Variants in ZFYVE1 observed in about 807,000 individuals in gnomAD.
ZFYVE1 encodes the protein zinc finger FYVE-type containing 1.
A neutral mutation model predicts 74.4 loss-of-function variants in ZFYVE1; 30 were observed. That is an observed-to-expected ratio of 0.40 (90% CI 0.30 to 0.55). The LOEUF is 0.55. ZFYVE1 is among the 20% of genes least tolerant of loss of function. The pLI is 0.42. For synonymous variants in ZFYVE1, 335 were observed against 385.1 expected (o/e 0.87, Z 1.52); for missense variants, 703 against 1,011.6 (o/e 0.69, Z 4.14).
chr14:73,023,446 A>T (rs200625206), intron 2 of ZFYVE1, among the ~76,000 whole-genome samples: 3 of 96,116 alleles, frequency 3.1e-5, no homozygotes, highest in Admixed American at 9.9e-5. Context: ...TATATATTTT[A>T]TATATGTTTT....
intron 2 of ZFYVE1, among the ~76,000 whole-genome samples, chr14:73,003,848 T>C (rs1368986019): frequency 6.6e-6 from 1 of 152,196 alleles, no homozygotes; most frequent in Non-Finnish European, 1.5e-5. Flanking sequence ...ACTACAGCCA[T>C]GAGGGCAGGG....
chr14:73,005,944 C>T (rs1258163299), intron 2 of ZFYVE1, among the ~76,000 whole-genome samples: 6 of 151,326 alleles, frequency 4.0e-5, no homozygotes, highest in East Asian at 3.9e-4. Context: ...TTTTATGAGA[C>T]GGAGTCTCAC....
intron 8 of ZFYVE1, among the ~76,000 whole-genome samples, chr14:72,976,858 GGA>G (rs1354957111): frequency 2.0e-5 from 3 of 151,976 alleles, no homozygotes; most frequent in African/African-American, 7.3e-5. Flanking sequence ...GGAAAGCTCA[GGA>G]GAGGACCTGC....
Position 72,998,120 on chromosome 14 carries a change from G to C in ZFYVE1, c.679C>G (p.Pro227Ala), listed in dbSNP as rs761073547. The C allele has an allele frequency of 1.9e-6, 3 of 1,614,018 alleles. No homozygotes were observed. The highest frequency in any genetic ancestry group is 2.5e-6 in the Non-Finnish European group (3 of 1,180,002). ...TCGATCACTGCTACTTTGTGAACTG[G>C]GTCATAGGCTGCCCACACTCCCACA... ...CTVGVWAAYD[P>A]VHKVAVIDTE... is the part of the protein sequence containing the mutation. The change falls in exon 3 of 12, where the codon CCA becomes GCA. Residue 227 changes from proline (P) to alanine (A), a missense_variant. Physicochemically the swap from Pro to Ala is conservative, Grantham distance 27. This residue lies in a region of ZFYVE1 where 492 missense variants were observed against 790.0 expected (regional missense o/e 0.62). Transcript: ENST00000556143.
intron 2 of ZFYVE1, among the ~76,000 whole-genome samples, chr14:73,014,204 T>C (rs2140383377): frequency 6.6e-6 from 1 of 152,282 alleles, no homozygotes; most frequent in Non-Finnish European, 1.5e-5. Flanking sequence ...ATGGGTCAAA[T>C]TTGAAACATC....
At chr14:72,981,744 A>T (rs1336909817) in intron 5 of ZFYVE1, 45 bp downstream of exon 5, 1 of 1,572,632 alleles carries the variant, frequency 6.4e-7, no homozygotes, top group Non-Finnish European at 8.8e-7. Context: ...CAAAGGCTCT[A>T]TTCTCAAGGT....
intron 3 of ZFYVE1, 146 bp from the exon 4 acceptor site, chr14:72,993,503 C>A: frequency 4.7e-6 from 3 of 637,622 alleles, no homozygotes; most frequent in Non-Finnish European, 7.8e-6. Flanking sequence ...AGGAGTTCAG[C>A]CTGGCCAACA....
intron 2 of ZFYVE1, among the ~76,000 whole-genome samples, chr14:73,022,585 A>C (rs547929143): frequency 6.6e-6 from 1 of 152,328 alleles, no homozygotes; most frequent in Admixed American, 6.5e-5. Context: ...AGGACTCAAA[A>C]AGATTAGGAA....
In ZFYVE1 at chr14:73,024,624, CTT is replaced by C; in HGVS notation, c.-118_-117del. The C allele has an allele frequency of 7.1e-7, 1 of 1,405,516 alleles. No homozygotes were observed. Among genetic ancestry groups the C allele is most frequent in the Non-Finnish European group, 9.4e-7 (1 of 1,061,850 alleles). The allele number at this position is 1,405,516 out of a possible 1,614,324, so 87.1% of individuals were successfully genotyped here. ...CGAAACTTCCACAGGGTTCTGAACA[CTT>C]TAAAAAAGAACACCTTTCATGTCCT... is the stretch of plus-strand genomic sequence containing the variant. On this transcript the variant is annotated 5_prime_UTR_variant, in exon 2 of 12. It removes the in-frame stop codon of an upstream open reading frame in the 5' UTR. Transcript: ENST00000556143.
chr14:72,988,878 G>A (rs1893544998), intron 4 of ZFYVE1, among the ~76,000 whole-genome samples: 1 of 148,966 alleles, frequency 6.7e-6, no homozygotes, highest in African/African-American at 2.5e-5. Flanking sequence ...CATTTATGAA[G>A]GATATATATA....
intron 2 of ZFYVE1, among the ~76,000 whole-genome samples, chr14:73,004,127 C>G (rs1392750197): frequency 1.3e-5 from 2 of 152,096 alleles, no homozygotes; most frequent in African/African-American, 4.8e-5. Context: ...ATTTTGGACC[C>G]GTGTCACTCA....
intron 5 of ZFYVE1, among the ~76,000 whole-genome samples, chr14:72,979,665 AAAAAT>A (rs1247175827): frequency 6.6e-6 from 1 of 151,962 alleles, no homozygotes; most frequent in African/African-American, 2.4e-5. Context: ...AAAAAAAAAA[AAAAAT>A]ACACCCAGAA....
intron 4 of ZFYVE1, among the ~76,000 whole-genome samples, chr14:72,985,488 T>A (rs1893451853): frequency 6.6e-6 from 1 of 151,794 alleles, no homozygotes; most frequent in Non-Finnish European, 1.5e-5. Flanking sequence ...CCTACCACAA[T>A]GTATGGATAA....
At chr14:73,007,005 G>A (rs780611724) in intron 2 of ZFYVE1, among the ~76,000 whole-genome samples, 58 of 152,092 alleles carry the variant, frequency 3.8e-4, no homozygotes, top group Non-Finnish European at 5.7e-4. Flanking sequence ...AAGCCACTGC[G>A]CCCAGCCCCA....
intron 11 of ZFYVE1, 125 bp downstream of exon 11, chr14:72,973,955 G>A: frequency 1.4e-6 from 1 of 735,152 alleles, no homozygotes; most frequent in Non-Finnish European, 2.3e-6. Flanking sequence ...GTGGCATTGT[G>A]TAATTGATTC....
At position 72,998,170 on chromosome 14, in the gene ZFYVE1, G is replaced by A. The variant is rs1426912482; in HGVS notation, c.629C>T (p.Thr210Ile). Residue 210 changes from threonine (T) to isoleucine (I), a missense_variant, in exon 3 of 12, where the codon ACC becomes ATC. Thr to Ile is a moderately conservative substitution (Grantham distance 89). Transcript: ENST00000556143. The stretch of plus-strand genomic sequence containing the variant: ...AGTGCAGGACTCCTGGGTCGGGGAG[G>A]TTTTAAAGACTTCACGACCATAAAA... ...TFFYGREVFK[T>I]SPTQESCTVG... The A allele has an allele frequency of 2.5e-6, 4 of 1,614,016 alleles. No individual in the cohort carries two copies. Among genetic ancestry groups the A allele is most frequent in the Non-Finnish European group, 3.4e-6 (4 of 1,179,996 alleles).
intron 3 of ZFYVE1, among the ~76,000 whole-genome samples, chr14:72,995,143 G>C (rs1353992291): frequency 5.3e-5 from 8 of 152,126 alleles, no homozygotes; most frequent in Admixed American, 5.2e-4. Context: ...CAGTCTGGAT[G>C]GAGTGCAGTG....
intron 2 of ZFYVE1, among the ~76,000 whole-genome samples, chr14:73,000,283 C>T (rs1316160852): frequency 6.6e-6 from 1 of 152,134 alleles, no homozygotes; most frequent in African/African-American, 2.4e-5. Flanking sequence ...AGCAAAACTA[C>T]AGTGAGCTAT....
At chr14:73,006,715 T>TC (rs1893988666) in intron 2 of ZFYVE1, among the ~76,000 whole-genome samples, 1 of 129,740 alleles carries the variant, frequency 7.7e-6, no homozygotes, top group African/African-American at 3.1e-5. Flanking sequence ...GTTCCTTTTT[T>TC]TTTTTTTTTT....
Sources: allele counts gnomAD v4.1 joint callset (sites outside exome capture counted in the v4.1 genomes callset), GRCh38; gene constraint gnomAD v4.1.1; regional missense constraint gnomAD v4.1.1; transcripts MANE v1.5; gene names NCBI Gene and HGNC (gene_info 2026-07-23, HGNC 2026-07-21).